IL36B: variants seen among roughly 807,000 people sequenced by gnomAD.
IL36B encodes interleukin 36 beta.
IL36B carries 23 observed loss-of-function variants against 19.3 expected under a neutral mutation model. That is an observed-to-expected ratio of 1.19 (90% CI 0.86 to 1.69). The LOEUF (loss-of-function observed/expected upper bound fraction) is 1.69, where lower values mean the gene tolerates loss of function less well. IL36B is among the 40% of genes most tolerant of loss of function. The pLI is 0.00. For missense variants in IL36B, 217 were observed against 200.5 expected, an observed-to-expected ratio of 1.08 and a Z score of -0.50; for synonymous variants, 59 against 59.7, an observed-to-expected ratio of 0.99 and a Z score of 0.05.
At chr2:113,036,563 A>T (rs1685170443) in intron 1 of IL36B, among the ~76,000 whole-genome samples, 1 of 152,204 alleles carries the variant, frequency 6.6e-6, no homozygotes, top group Non-Finnish European at 1.5e-5. Context: ...ATTCTGCCTC[A>T]GTCTCTGTCC....
chr2:113,025,768 A>T (rs1255457989), intron 5 of IL36B, among the ~76,000 whole-genome samples: 1 of 152,192 alleles, frequency 6.6e-6, no homozygotes, highest in Admixed American at 6.5e-5. Flanking sequence ...GAGCAGGAAC[A>T]TAGAGGGAAG....
chr2:113,038,957 G>A (rs1685201588), intron 1 of IL36B, among the ~76,000 whole-genome samples: 1 of 152,212 alleles, frequency 6.6e-6, no homozygotes, highest in South Asian at 2.1e-4. Context: ...GTCAGTTTCA[G>A]ACTGGATTAA....
intron 1 of IL36B, 31 bp from the exon 2 acceptor site, chr2:113,031,797 G>A: frequency 9.7e-7 from 1 of 1,027,354 alleles, no homozygotes; most frequent in Non-Finnish European, 1.5e-6. Context: ...GAGAGAAGGA[G>A]AGAAGAAACA....
rs1192314173 is a variant in IL36B, at chr2:113,029,141, C to T, written c.122-63G>A. 6 of 1,522,176 alleles carry T rather than the reference C, an allele frequency of 3.9e-6. No individual in the cohort carries two copies. The East Asian group carries it at 9.1e-5, about 23-fold the overall frequency. 94.3% of individuals were successfully genotyped at this position (1,522,176 alleles called of 1,614,324 possible). On this transcript the variant is annotated intron_variant, in intron 3 of 5. Coordinates refer to ENST00000259213, the MANE Select transcript of IL36B (RefSeq NM_014438.5). The stretch of plus-strand genomic sequence containing the variant: ...CTTTCTGGTCTGACACTCAGTTACT[C>T]CCCCCAGGTAGGGAATAGTGACAGG...
chr2:113,027,420 C>A lies in IL36B; in HGVS notation c.262-1188G>T. 2 of 967,558 alleles carry A rather than the reference C, an allele frequency of 2.1e-6. No individual in the cohort carries two copies. Among genetic ancestry groups the A allele is most frequent in the Non-Finnish European group, 2.5e-6 (2 of 805,534 alleles). The allele number at this position is 967,558 out of a possible 1,614,324, so 59.9% of individuals were successfully genotyped here. ...TGTGTGTCAAATTATTAACGAATGA[C>A]ATTAAGAATTCATTAGGATTAGAAA... On this transcript the variant is annotated intron_variant, in intron 4 of 5. Transcript: ENST00000259213.
intron 1 of IL36B, among the ~76,000 whole-genome samples, chr2:113,049,744 C>G (rs1276809987): frequency 6.6e-6 from 1 of 152,148 alleles, no homozygotes; most frequent in Non-Finnish European, 1.5e-5. Flanking sequence ...CACCTGAGGT[C>G]AGGAGTTTGA....
chr2:113,044,252 A>G (rs1168996840), intron 1 of IL36B, among the ~76,000 whole-genome samples: 2 of 147,436 alleles, frequency 1.4e-5, no homozygotes, highest in African/African-American at 2.5e-5. Flanking sequence ...TGATATATCT[A>G]TATCTATATG....
At chr2:113,049,206 G>A (rs985636900) in intron 1 of IL36B, among the ~76,000 whole-genome samples, 5 of 152,148 alleles carry the variant, frequency 3.3e-5, no homozygotes, top group African/African-American at 1.2e-4. Context: ...ATAGGGGAAA[G>A]CTTTATCACA....
intron 1 of IL36B, among the ~76,000 whole-genome samples, chr2:113,037,952 T>C (rs930782651): frequency 2.6e-5 from 4 of 152,232 alleles, no homozygotes; most frequent in African/African-American, 9.7e-5. Flanking sequence ...TTTGTGTGTC[T>C]TTCTTTAGTT....
chr2:113,046,648 G>A (rs1476649923), intron 1 of IL36B, among the ~76,000 whole-genome samples: 1 of 152,150 alleles, frequency 6.6e-6, no homozygotes, highest in Non-Finnish European at 1.5e-5. Context: ...GTTTTGAGGA[G>A]TACAGTAAAT....
chr2:113,029,204 C>A, intron 3 of IL36B, 126 bp from the exon 4 acceptor site: 2 of 915,702 alleles, frequency 2.2e-6, no homozygotes, highest in Non-Finnish European at 3.2e-6. Flanking sequence ...CCCTCCATCA[C>A]CCTCCTCAAA....
intron 1 of IL36B, among the ~76,000 whole-genome samples, chr2:113,044,037 T>C (rs1276002600): frequency 6.6e-6 from 1 of 152,194 alleles, no homozygotes; most frequent in Non-Finnish European, 1.5e-5. Context: ...TTGTATTGGA[T>C]CTACAGGTCA....
At chr2:113,043,075 A>G (rs1685289682) in intron 1 of IL36B, among the ~76,000 whole-genome samples, 1 of 152,134 alleles carries the variant, frequency 6.6e-6, no homozygotes, top group African/African-American at 2.4e-5. Flanking sequence ...TCATCTGTAT[A>G]TATTATTTGA....
chr2:113,031,003 A>C lies in IL36B; in HGVS notation c.121+45T>G, dbSNP rs548468607. ...AAGCTCAGCCTCATTCCTGGTGAAG[A>C]TGGCATCACCTCAAGAAGCAACAGT... is the stretch of plus-strand genomic sequence containing the variant. On this transcript the variant is annotated intron_variant, in intron 3 of 5. Coordinates refer to ENST00000259213, the MANE Select transcript of IL36B (RefSeq NM_014438.5). The C allele has an allele frequency of 2.0e-4, 272 of 1,352,454 alleles. 4 individuals carry two copies. In the South Asian group the frequency reaches 2.9e-3, roughly 15 times the overall value. The allele number at this position is 1,352,454 out of a possible 1,614,324, so 83.8% of individuals were successfully genotyped here.
intron 1 of IL36B, among the ~76,000 whole-genome samples, chr2:113,033,481 C>T (rs967180156): frequency 8.5e-5 from 13 of 152,196 alleles, no homozygotes; most frequent in Non-Finnish European, 1.8e-4. Flanking sequence ...TCAGGCAGTC[C>T]ACCCGCCTCG....
At chr2:113,044,043 G>T (rs1346132731) in intron 1 of IL36B, among the ~76,000 whole-genome samples, 1 of 152,130 alleles carries the variant, frequency 6.6e-6, no homozygotes, top group East Asian at 1.9e-4. Flanking sequence ...TGGATCTACA[G>T]GTCAAGTTGG....
intron 1 of IL36B, among the ~76,000 whole-genome samples, chr2:113,044,260 A>ATGTGTGTGTGTG (rs56838257): frequency 3.5e-5 from 5 of 142,452 alleles, no homozygotes; most frequent in Non-Finnish European, 6.1e-5. Context: ...CTATATCTAT[A>ATGTGTGTGTGTG]TGTGTGTGTG....
chr2:113,024,421 G>C (rs894397847), intron 5 of IL36B, among the ~76,000 whole-genome samples: 21 of 152,172 alleles, frequency 1.4e-4, no homozygotes, highest in African/African-American at 4.8e-4. Flanking sequence ...AGATAGACAA[G>C]GAATTAGCCT....
At position 113,032,745 on chromosome 2, in the gene IL36B, G is replaced by A. The variant is rs556789592; in HGVS notation, c.-57-979C>T. ...CTAGCTGCATGAAAAGCTGGTCCAG[G>A]ACTCCCAGGCCCCTTAATGACCAAG... On this transcript the variant is annotated intron_variant, in intron 1 of 5. Coordinates refer to ENST00000259213, the MANE Select transcript of IL36B (RefSeq NM_014438.5). Among the ~76,000 whole-genome samples, 42 of 152,256 alleles carry A rather than the reference G, an allele frequency of 2.8e-4. No homozygotes were observed. The South Asian group carries it at 8.3e-3, about 30-fold the overall frequency.
Sources: allele counts gnomAD v4.1 joint callset (sites outside exome capture counted in the v4.1 genomes callset), GRCh38; gene constraint gnomAD v4.1.1; transcripts MANE v1.5; gene names NCBI Gene and HGNC (gene_info 2026-07-23, HGNC 2026-07-21).